The following GULP1 variants were observed in gnomAD, a reference collection of about 807,000 sequenced individuals.
GULP1 encodes PTB domain-containing engulfment adapter protein 1.
GULP1 carries 19 observed loss-of-function variants against 40.9 expected under a neutral mutation model. The observed-to-expected ratio is 0.46, with a 90% CI of 0.32 to 0.68. GULP1 has a LOEUF of 0.68. GULP1 is among the 30% of genes least tolerant of loss of function. GULP1 has a pLI of 0.03. For synonymous variants in GULP1, 119 were observed against 117.6 expected (o/e 1.01, Z -0.08); for missense variants, 312 against 362.2 (o/e 0.86, Z 1.12).
rs1447151516 is a variant in GULP1 at position 188,460,852 on chromosome 2, T to C, written c.-44-16807T>C. Among the ~76,000 whole-genome samples the C allele has an allele frequency of 2.0e-5, 3 of 152,264 alleles. No homozygotes were observed. The East Asian group carries it at 5.8e-4, about 29-fold the overall frequency. On this transcript the variant is annotated intron_variant, in intron 2 of 11. Transcript: ENST00000409830. ...TATACCCAGTTTTTGAGGGTCTTTA[T>C]CGTGAGGGGATGTTGAATTTTCAGC...
intron 9 of GULP1, among the ~76,000 whole-genome samples, chr2:188,582,935 CTT>C (rs1423018761): frequency 1.4e-4 from 21 of 152,250 alleles, no homozygotes; most frequent in Non-Finnish European, 1.5e-5. Context: ...TGTAGTATCT[CTT>C]TCAAGGAGCT....
intron 4 of GULP1, among the ~76,000 whole-genome samples, chr2:188,508,038 A>G (rs965736863): frequency 6.6e-6 from 1 of 152,012 alleles, no homozygotes; most frequent in Non-Finnish European, 1.5e-5. Context: ...AACAGTTCCA[A>G]TAAAATCATA....
At chr2:188,390,607 T>G in intron 2 of GULP1, among the ~76,000 whole-genome samples, 1 of 152,154 alleles carries the variant, frequency 6.6e-6, no homozygotes, top group East Asian at 1.9e-4. Context: ...GTATGGAAGA[T>G]TCTTAGTTTA....
intron 1 of GULP1, among the ~76,000 whole-genome samples, chr2:188,316,840 C>G (rs916310474): frequency 4.6e-5 from 7 of 152,020 alleles, no homozygotes; most frequent in African/African-American, 1.7e-4. Flanking sequence ...TTCCTAGGAA[C>G]CCAAAACCTA....
intron 1 of GULP1, among the ~76,000 whole-genome samples, chr2:188,354,624 T>C (rs888633074): frequency 6.6e-6 from 1 of 152,164 alleles, no homozygotes; most frequent in Admixed American, 6.5e-5. Flanking sequence ...TACTTGCAGG[T>C]CATGTCAGAC....
intron 2 of GULP1, among the ~76,000 whole-genome samples, chr2:188,407,851 T>C (rs899376406): frequency 6.6e-6 from 1 of 152,108 alleles, no homozygotes; most frequent in Non-Finnish European, 1.5e-5. Context: ...ATAGAGTGGA[T>C]GAATGGATTA....
At chr2:188,593,893 T>C (rs1704077175) in intron 11 of GULP1, 47 bp from the exon 12 acceptor site, 1 of 1,021,876 alleles carries the variant, frequency 9.8e-7, no homozygotes, top group South Asian at 1.3e-5. Flanking sequence ...CTGATTTTAT[T>C]TTGCTGTAAG....
At chr2:188,296,728 A>G (rs2035035598) in intron 1 of GULP1, among the ~76,000 whole-genome samples, 1 of 151,946 alleles carries the variant, frequency 6.6e-6, no homozygotes. Context: ...CCTTGTATGT[A>G]TTTTCTAGGA....
intron 10 of GULP1, 71 bp downstream of exon 10, chr2:188,584,474 G>A: frequency 2.6e-6 from 2 of 764,242 alleles, no homozygotes. Flanking sequence ...TTAAGACTTT[G>A]TGGGAAATTA....
chr2:188,339,362 A>G (rs1230122922), intron 1 of GULP1, among the ~76,000 whole-genome samples: 1 of 152,138 alleles, frequency 6.6e-6, no homozygotes, highest in Non-Finnish European at 1.5e-5. Flanking sequence ...TTTCAAGTTT[A>G]TAGTCACTTG....
At chr2:188,376,662 A>C (rs2152471097) in intron 1 of GULP1, among the ~76,000 whole-genome samples, 1 of 152,358 alleles carries the variant, frequency 6.6e-6, no homozygotes, top group East Asian at 1.9e-4. Flanking sequence ...CAGTTAAAGA[A>C]GTACACATTT....
At chr2:188,492,036 CTCCAGATAGTAT>C (rs1479033347) in intron 4 of GULP1, among the ~76,000 whole-genome samples, 2 of 151,918 alleles carry the variant, frequency 1.3e-5, no homozygotes, top group African/African-American at 4.8e-5. Flanking sequence ...TAAACATAGA[CTCCAGATAGTAT>C]ATCAGATAGT....
chr2:188,585,416 T>G (rs1702163747), intron 10 of GULP1, among the ~76,000 whole-genome samples: 1 of 152,182 alleles, frequency 6.6e-6, no homozygotes, highest in Admixed American at 6.5e-5. Context: ...TGCATTGCCC[T>G]AGTAGAGGTT....
At position 188,291,984 on chromosome 2, in the gene GULP1, A is replaced by C. The variant is rs2033868896; in HGVS notation, c.-354A>C. 1 of 151,638 alleles carries C rather than the reference A, an allele frequency of 6.6e-6. No homozygotes were observed. 9.4% of individuals were successfully genotyped at this position (151,638 alleles called of 1,614,324 possible). A position where few individuals can be genotyped will look rare whatever the true frequency, so the allele number is the denominator to read the frequency against. On this transcript the variant is annotated 5_prime_UTR_variant, in exon 1 of 12. Transcript: ENST00000409830. ...AGGAGGGAGGGGGGAGAGAGCGCGAAGAGGGAGGGGACCGAAGCTGGAGGG... is the reference window on the plus strand; with the variant it reads ...AGGAGGGAGGGGGGAGAGAGCGCGACGAGGGAGGGGACCGAAGCTGGAGGG...
In GULP1 at chr2:188,539,203, C is replaced by A. The variant is rs182696775; in HGVS notation, c.262-1978C>A. On this transcript the variant is annotated intron_variant, in intron 6 of 11. Coordinates refer to ENST00000409830, the MANE Select transcript of GULP1 (RefSeq NM_016315.4). Reference sequence around the variant, plus strand: ...CCAGCTAAGTGAATGTTGTGTTTTGCATGTTACTCATAATTTCTCCCATCT... The same window carrying A: ...CCAGCTAAGTGAATGTTGTGTTTTGAATGTTACTCATAATTTCTCCCATCT... 1.8e-4 allele frequency among the ~76,000 whole-genome samples: 27 copies of A among 152,060 alleles called. 1 individual carries two copies. Among genetic ancestry groups the A allele is most frequent in the Admixed American group, 1.4e-3 (21 of 15,240 alleles).
chr2:188,475,052 T>A (rs1052945284), intron 2 of GULP1, among the ~76,000 whole-genome samples: 14 of 152,304 alleles, frequency 9.2e-5, no homozygotes, highest in Middle Eastern at 6.8e-3. Flanking sequence ...AAATAAATAG[T>A]ACATTGAATG....
At chr2:188,440,795 A>G (rs1163781578) in intron 2 of GULP1, among the ~76,000 whole-genome samples, 2 of 152,188 alleles carry the variant, frequency 1.3e-5, no homozygotes, top group Non-Finnish European at 2.9e-5. Flanking sequence ...TAATTCCTCA[A>G]TACTTTACTA....
chr2:188,469,374 C>T (rs926948292), intron 2 of GULP1, among the ~76,000 whole-genome samples: 9 of 152,062 alleles, frequency 5.9e-5, no homozygotes, highest in Non-Finnish European at 7.4e-5. Context: ...GCTTGTTTTC[C>T]GGGATCACAA....
At chr2:188,342,952 A>G (rs901665972) in intron 1 of GULP1, among the ~76,000 whole-genome samples, 1 of 152,198 alleles carries the variant, frequency 6.6e-6, no homozygotes, top group Admixed American at 6.5e-5. Flanking sequence ...AGTTACGTAG[A>G]CTGCTTCATG....
Sources: allele counts gnomAD v4.1 joint callset (sites outside exome capture counted in the v4.1 genomes callset), GRCh38; gene constraint gnomAD v4.1.1; transcripts MANE v1.5; gene names NCBI Gene and HGNC (gene_info 2026-07-23, HGNC 2026-07-21).